The following SLC26A6 variants were observed in gnomAD, a reference collection of about 807,000 sequenced individuals.
SLC26A6 encodes solute carrier family 26 member 6, also known as anion exchange transporter.
SLC26A6 carries 67 observed loss-of-function variants against 87.1 expected under a neutral mutation model. The ratio of observed to expected loss-of-function variants is 0.77; its 90% CI spans 0.63 to 0.94. SLC26A6 has a LOEUF of 0.94. Among genes scored for constraint, SLC26A6 ranks in the 40% least tolerant of loss-of-function variants. SLC26A6 has a pLI of 0.00. For missense variants in SLC26A6, 902 were observed against 973.0 expected, an observed-to-expected ratio of 0.93 and a Z score of 0.97; for synonymous variants, 414 against 405.9, an observed-to-expected ratio of 1.02 and a Z score of -0.24.
chr3:48,630,539 G>T, intron 10 of SLC26A6, 24 bp from the exon 11 acceptor site: 1 of 1,558,572 alleles, frequency 6.4e-7, no homozygotes, highest in South Asian at 1.2e-5. Flanking sequence ...GAGTGAGCAG[G>T]GGAGAGACCT....
At chr3:48,627,487 C>T (rs1238381345) in intron 17 of SLC26A6, 11 of 185,660 alleles carry the variant, frequency 5.9e-5, no homozygotes, top group East Asian at 4.7e-4. Context: ...TTTTTAGAGA[C>T]GGGGTCTCGC....
chr3:48,628,761 G>A lies in SLC26A6; in HGVS notation c.1600-47C>T. On this transcript the variant is annotated intron_variant, in intron 14 of 20. Coordinates refer to ENST00000395550, the MANE Select transcript of SLC26A6 (RefSeq NM_022911.3). This position sits in a 1 kb window ranked among gnomAD's most constrained non-coding sequence, Gnocchi z 4.4. ...TGGTGGCTGAATCTCCTCTCTCCTG[G>A]CTGCATCCTGTTCTCCTGCCTTTCC... 6.3e-7 allele frequency: 1 copy of A among 1,586,742 alleles called. No homozygotes were observed.
In SLC26A6 at chr3:48,632,353, T is replaced by C. The variant is rs1559469732; in HGVS notation, c.477A>G (p.Glu159=). The C allele has an allele frequency of 1.2e-6, 2 of 1,612,588 alleles. No individual in the cohort carries two copies. Among genetic ancestry groups the C allele is most frequent in the South Asian group, 1.1e-5 (1 of 90,908 alleles). Residue 159 remains glutamate, a synonymous_variant, in exon 5 of 21, where the codon GAA becomes GAG. Transcript: ENST00000395550. ...CGTTCAAGGCCTGCGGGGCCAGGGATTCTGTCACACTGCCCACCATCACAG... is the reference window on the plus strand; with the variant it reads ...CGTTCAAGGCCTGCGGGGCCAGGGACTCTGTCACACTGCCCACCATCACAG... ...VMSVMVGSVT[E]SLAPQALNDS... is the part of the protein sequence containing the mutation.
Position 48,635,390 on chromosome 3 carries a change from C to G in SLC26A6, c.4G>C (p.Gly2Arg), listed in dbSNP as rs1406396745. M[G>R]LADASGPRDT... ...ACTCACCCCGACGCATCCGCCAGCC[C>G]CATGGCTCGCAAGTTGTCCGGTGCG... is the stretch of plus-strand genomic sequence containing the variant. Residue 2 changes from glycine (G) to arginine (R), a missense_variant, in exon 1 of 21, where the codon GGG becomes CGG. Physicochemically the swap from Gly to Arg is moderately radical, Grantham distance 125 (BLOSUM62 -2). This residue lies in a region of SLC26A6 where 800 missense variants were observed against 856.8 expected (regional missense o/e 0.93). Coordinates refer to ENST00000395550, the MANE Select transcript of SLC26A6 (RefSeq NM_022911.3). 6.3e-7 allele frequency: 1 copy of G among 1,585,750 alleles called. No homozygotes were observed. Among genetic ancestry groups the G allele is most frequent in the African/African-American group, 1.3e-5 (1 of 74,328 alleles).
In SLC26A6 at chr3:48,629,948, T is replaced by C; in HGVS notation, c.1453A>G (p.Ile485Val). The C allele has an allele frequency of 1.2e-6, 2 of 1,613,960 alleles. No individual in the cohort carries two copies. The highest frequency in any genetic ancestry group is 1.7e-6 in the Non-Finnish European group (2 of 1,179,982). Residue 485 changes from isoleucine (I) to valine (V), a missense_variant, in exon 13 of 21, where the codon ATC becomes GTC. Ile to Val is a conservative substitution (Grantham distance 29, BLOSUM62 3). This residue lies in a region of SLC26A6 where 800 missense variants were observed against 856.8 expected (regional missense o/e 0.93). Transcript: ENST00000395550. ...LIWLVTFTAT[I>V]LLNLDLGLVV... ...AAGCCAAGGTCCAGGTTCAGCAAGA[T>C]GGTGGCCGTGAAGGTCACCAGCCAG...
At chr3:48,626,727 G>A in intron 18 of SLC26A6, 42 bp from the exon 19 acceptor site, 7 of 1,613,208 alleles carry the variant, frequency 4.3e-6, no homozygotes, top group Non-Finnish European at 5.9e-6. Flanking sequence ...GAGGCTCAGG[G>A]ACTCAGAGGG....
chr3:48,627,055 G>C lies in SLC26A6; in HGVS notation c.1894C>G (p.Gln632Glu), dbSNP rs1575522917. ...TCCATCTTATCTCCTGAGCTCACCT[G>C]CTGGGGAGCCAGACATGCTGCCAGG... The part of the protein sequence containing the change: ...SNNVEDCKMM[Q>E]VSSGDKMEDA... The change falls in exon 18 of 21, where the codon CAG becomes GAG. Residue 632 changes from glutamine (Q) to glutamate (E), a missense_variant and splice_region_variant. Coordinates refer to ENST00000395550, the MANE Select transcript of SLC26A6 (RefSeq NM_022911.3). The C allele has an allele frequency of 6.2e-7, 1 of 1,611,458 alleles. No homozygotes were observed. The highest frequency in any genetic ancestry group is 2.2e-5 in the East Asian group (1 of 44,860).
In SLC26A6 at chr3:48,632,021, G is replaced by A. The variant is rs1417081775; in HGVS notation, c.609C>T (p.Phe203=). The change falls in exon 6 of 21, where the codon TTC becomes TTT. Residue 203 remains phenylalanine (F), a synonymous_variant. Coordinates refer to ENST00000395550, the MANE Select transcript of SLC26A6 (RefSeq NM_022911.3). ...LFQVGLGLIH[F]GFVVTYLSEP... The stretch of plus-strand genomic sequence containing the variant: ...CTGACAGGTAGGTGACCACGAAGCC[G>A]AAGTGGATCAGGCCCAGCCCCACCT... The A allele has an allele frequency of 1.5e-5, 25 of 1,613,216 alleles. No homozygotes were observed. The highest frequency in any genetic ancestry group is 3.3e-5 in the Admixed American group (2 of 59,992).
chr3:48,631,640 C>T lies in SLC26A6; in HGVS notation c.903+9G>A, dbSNP rs2046795481. 1.2e-6 allele frequency: 2 copies of T among 1,611,424 alleles called. No homozygotes were observed. The highest frequency in any genetic ancestry group is 1.7e-6 in the Non-Finnish European group (2 of 1,178,910). On this transcript the variant is annotated intron_variant, in intron 7 of 20. Coordinates refer to ENST00000395550, the MANE Select transcript of SLC26A6 (RefSeq NM_022911.3). ...TTCTCCCCTGCCCTCCACTCCCTGG[C>T]CCTCGAACCGTGAGCAGCTCCCCGG...
In SLC26A6 at chr3:48,631,033, A is replaced by G. The variant is rs1044454224; in HGVS notation, c.1094T>C (p.Ile365Thr). Residue 365 changes from isoleucine to threonine, a missense_variant, in exon 9 of 21, where the codon ATC becomes ACC. This residue lies in a region of SLC26A6 where 800 missense variants were observed against 856.8 expected (regional missense o/e 0.93). Transcript: ENST00000395550. ...GFAIAISLGK[I>T]FALRHGYRVD... The stretch of plus-strand genomic sequence containing the variant: ...CCGGTAGCCGTGCCTCAGGGCGAAG[A>G]TCTTCCCCAGTGAGATGGCAATGGC... 1.9e-6 allele frequency: 3 copies of G among 1,613,708 alleles called. No individual in the cohort carries two copies. The highest frequency in any genetic ancestry group is 1.3e-5 in the African/African-American group (1 of 74,924).
In SLC26A6 at chr3:48,631,318, G is replaced by A. The variant is rs1360232312; in HGVS notation, c.904-12C>T. 1 of 1,567,224 alleles carries A rather than the reference G, an allele frequency of 6.4e-7. No homozygotes were observed. The highest frequency in any genetic ancestry group is 1.4e-5 in the African/African-American group (1 of 73,914). On this transcript the variant is annotated splice_polypyrimidine_tract_variant and intron_variant, in intron 7 of 20. Coordinates refer to ENST00000395550, the MANE Select transcript of SLC26A6 (RefSeq NM_022911.3). The stretch of plus-strand genomic sequence containing the variant: ...GTGGCCCCGATGAGCTGTGGGAGAG[G>A]ACAGAGTCAGGGAGGCAGGTGCTGG...
At chr3:48,635,056 G>A (rs1372863500) in intron 1 of SLC26A6, among the ~76,000 whole-genome samples, 4 of 152,200 alleles carry the variant, frequency 2.6e-5, no homozygotes, top group African/African-American at 9.6e-5. Context: ...CGCTGCCAGG[G>A]ACTCCCGTGC....
chr3:48,630,616 G>GC lies in SLC26A6; in HGVS notation c.1238dup (p.Asn414GlnfsTer26), dbSNP rs1223197781. 6.3e-7 allele frequency: 1 copy of GC among 1,580,332 alleles called. No individual in the cohort carries two copies. The highest frequency in any genetic ancestry group is 8.6e-7 in the Non-Finnish European group (1 of 1,161,548). On this transcript the variant is annotated frameshift_variant, in exon 10 of 21. Transcript: ENST00000395550. LOFTEE classifies it high-confidence loss of function. The stretch of plus-strand genomic sequence containing the variant: ...CACACCCAAAGCCCACCTGCGAGTT[G>GC]CCCCCGGTGCTCTCCTGTACCAGGC...
In SLC26A6 at chr3:48,633,353, G is replaced by T. The variant is rs755336464; in HGVS notation, c.220C>A (p.His74Asn). ...GGTAACCAGACCAAAACCGGGAGGT[G>T]TTGGAGCAGAAGGGCATAGGCCCGA... ...RARAYALLLQ[H>N]LPVLVWLPRY... Residue 74 changes from histidine to asparagine, a missense_variant, in exon 3 of 21, where the codon CAC (histidine) becomes AAC (asparagine). His to Asn is a moderately conservative substitution (Grantham distance 68). Around this residue, in one of 3 missense-constraint regions of SLC26A6, gnomAD observed 800 missense variants for 856.8 expected, o/e 0.93. Coordinates refer to ENST00000395550, the MANE Select transcript of SLC26A6 (RefSeq NM_022911.3). 1.2e-6 allele frequency: 2 copies of T among 1,613,578 alleles called. No homozygotes were observed. Among genetic ancestry groups the T allele is most frequent in the South Asian group, 1.1e-5 (1 of 91,088 alleles).
chr3:48,630,527 G>C lies in SLC26A6; in HGVS notation c.1249-12C>G. 6.4e-7 allele frequency: 1 copy of C among 1,559,502 alleles called. No homozygotes were observed. The stretch of plus-strand genomic sequence containing the variant: ...ATGGCTCCAGCAACCTGTTCGGGGA[G>C]GGAGTGAGCAGGGGAGAGACCTCCT... On this transcript the variant is annotated splice_polypyrimidine_tract_variant and intron_variant, in intron 10 of 20. Coordinates refer to ENST00000395550, the MANE Select transcript of SLC26A6 (RefSeq NM_022911.3).
At chr3:48,633,455 C>T (rs372162315) in intron 2 of SLC26A6, 22 bp downstream of exon 2, 28 of 1,612,454 alleles carry the variant, frequency 1.7e-5, no homozygotes, top group Non-Finnish European at 2.4e-5. Flanking sequence ...CCAGCGCCCC[C>T]AGGCCCCAAT....
intron 2 of SLC26A6, 21 bp downstream of exon 2, chr3:48,633,456 A>G (rs757372589): frequency 6.2e-7 from 1 of 1,612,422 alleles, no homozygotes; most frequent in African/African-American, 1.3e-5. Flanking sequence ...CAGCGCCCCC[A>G]GGCCCCAATC....
At position 48,632,223 on chromosome 3, in the gene SLC26A6, CAT is replaced by C; in HGVS notation, c.585+20_585+21del. 3.8e-6 allele frequency: 6 copies of C among 1,575,342 alleles called. No homozygotes were observed. The South Asian group carries it at 7.1e-5, about 19-fold the overall frequency. ...GGAGCAGAAGTGGTGGTGGGGGGCA[CAT>C]ACTCCTGACTGTTCCACACCTGGAA... On this transcript the variant is annotated intron_variant, in intron 5 of 20. Coordinates refer to ENST00000395550, the MANE Select transcript of SLC26A6 (RefSeq NM_022911.3).
Position 48,629,926 on chromosome 3 carries a change from C to CCAAG in SLC26A6, c.1471_1474dup (p.Gly492AlafsTer65). Reference sequence around the variant, plus strand: ...GGAGAAGATGACCGCAACCACCAAGCCAAGGTCCAGGTTCAGCAAGATGGT... The same window carrying CCAAG: ...GGAGAAGATGACCGCAACCACCAAGCCAAGCAAGGTCCAGGTTCAGCAAGATGGT... On this transcript the variant is annotated frameshift_variant, in exon 13 of 21. Coordinates refer to ENST00000395550, the MANE Select transcript of SLC26A6 (RefSeq NM_022911.3). LOFTEE classifies it high-confidence loss of function. The CCAAG allele has an allele frequency of 1.2e-6, 2 of 1,614,142 alleles. No individual in the cohort carries two copies. Among genetic ancestry groups the CCAAG allele is most frequent in the East Asian group, 4.5e-5 (2 of 44,886 alleles).
Sources: allele counts gnomAD v4.1 joint callset (sites outside exome capture counted in the v4.1 genomes callset), GRCh38; gene constraint gnomAD v4.1.1; regional missense constraint gnomAD v4.1.1; non-coding constraint Gnocchi (gnomAD v3.1); transcripts MANE v1.5; gene names NCBI Gene and HGNC (gene_info 2026-07-23, HGNC 2026-07-21).